Variants in ADGRA1 observed in about 807,000 individuals in gnomAD.
The protein encoded by ADGRA1 is G-protein coupled receptor 123.
A neutral mutation model predicts 21.3 loss-of-function variants in ADGRA1; 12 were observed. The ratio of observed to expected loss-of-function variants is 0.56; its 90% confidence interval spans 0.36 to 0.91. The LOEUF (loss-of-function observed/expected upper bound fraction) is 0.91. ADGRA1 is among the 40% of genes least tolerant of loss of function. ADGRA1 has a pLI of 0.01. For synonymous variants in ADGRA1, 385 were observed against 368.8 expected (o/e 1.04, Z -0.50); for missense variants, 790 against 805.6 (o/e 0.98, Z 0.23).
At chr10:133,124,240 T>C in intron 5 of ADGRA1, among the ~76,000 whole-genome samples, 1 of 146,768 alleles carries the variant, frequency 6.8e-6, no homozygotes, top group Non-Finnish European at 1.5e-5. Context: ...AGCCACCCTC[T>C]TGGGCTCTGC....
intron 5 of ADGRA1, among the ~76,000 whole-genome samples, chr10:133,117,651 C>G (rs1301722330): frequency 6.6e-6 from 1 of 152,244 alleles, no homozygotes; most frequent in Admixed American, 6.5e-5. Flanking sequence ...CTGGAATGGG[C>G]CTGGAGAAGG....
chr10:133,089,238 C>T (rs982397437), intron 2 of ADGRA1, among the ~76,000 whole-genome samples: 2 of 152,222 alleles, frequency 1.3e-5, no homozygotes, highest in Non-Finnish European at 2.9e-5. Flanking sequence ...TGGTCTGTGC[C>T]TGGGCTGGGG....
At chr10:133,109,973 G>A (rs1171513035) in intron 5 of ADGRA1, among the ~76,000 whole-genome samples, 1 of 152,208 alleles carries the variant, frequency 6.6e-6, no homozygotes, top group African/African-American at 2.4e-5. Context: ...GCATTCCTGG[G>A]TGTGGTTTGT....
Position 133,088,862 on chromosome 10 carries a change from G to A in ADGRA1, c.-48G>A, listed in dbSNP as rs764395879. On this transcript the variant is annotated 5_prime_UTR_variant, in exon 2 of 7. Transcript: ENST00000392607. ...GGGCGCCACCTGATCGCCTCCCCCT[G>A]GACGCCTCCTCCAGCGGCGCTCACG... The A allele has an allele frequency of 1.3e-5, 16 of 1,237,620 alleles. No homozygotes were observed. The African/African-American group carries it at 1.9e-4, about 14-fold the overall frequency. 76.7% of individuals were successfully genotyped at this position (1,237,620 alleles called of 1,614,324 possible).
Position 133,107,434 on chromosome 10 carries a change from T to C in ADGRA1, c.401+4592T>C, listed in dbSNP as rs922187389. 4.6e-5 allele frequency among the ~76,000 whole-genome samples: 7 copies of C among 152,334 alleles called. 1 individual carries two copies. Among genetic ancestry groups the C allele is most frequent in the Non-Finnish European group, 1.5e-5 (1 of 68,032 alleles). ...GCTAAAGGTTTGCCAATTTTCTTGATCTGTTTAAAGAGCCAGTTTGAGTTT... is the reference window on the plus strand; with the variant it reads ...GCTAAAGGTTTGCCAATTTTCTTGACCTGTTTAAAGAGCCAGTTTGAGTTT... On this transcript the variant is annotated intron_variant, in intron 5 of 6. Transcript: ENST00000392607.
Position 133,131,175 on chromosome 10 carries a change from T to C in ADGRA1, c.*1664T>C, listed in dbSNP as rs984552801. The C allele has an allele frequency of 6.6e-6, 1 of 152,028 alleles. No homozygotes were observed. The highest frequency in any genetic ancestry group is 1.5e-5 in the Non-Finnish European group (1 of 68,042). The allele number at this position is 152,028 out of a possible 1,614,324, so 9.4% of individuals were successfully genotyped here. On this transcript the variant is annotated 3_prime_UTR_variant, in exon 7 of 7. Coordinates refer to ENST00000392607, the MANE Select transcript of ADGRA1 (RefSeq NM_001083909.3). ...GAGACTGGCACTCAGTATCTGAGTA[T>C]GAGGAGCCTCACTTCCCGGGGTGTC...
At position 133,088,766 on chromosome 10, in the gene ADGRA1, CGGG is replaced by C. The variant is rs1851547833; in HGVS notation, c.-143_-141del. On this transcript the variant is annotated 5_prime_UTR_variant, in exon 2 of 7. Transcript: ENST00000392607. ...CGCGGTCACCCTGAGGCCAGGGGCC[CGGG>C]AGCGCGACCTCCTGGCCGCCGTCTG... 3.2e-6 allele frequency: 4 copies of C among 1,231,594 alleles called. No homozygotes were observed. The highest frequency in any genetic ancestry group is 4.0e-6 in the Non-Finnish European group (4 of 987,742). 76.3% of individuals were successfully genotyped at this position (1,231,594 alleles called of 1,614,324 possible). A position where few individuals can be genotyped will look rare whatever the true frequency, so the allele number is the denominator to read the frequency against.
Position 133,128,855 on chromosome 10 carries a change from T to C in ADGRA1, c.1027T>C (p.Cys343Arg), listed in dbSNP as rs1179181025. 1.3e-6 allele frequency: 2 copies of C among 1,585,332 alleles called. No individual in the cohort carries two copies. Among genetic ancestry groups the C allele is most frequent in the Non-Finnish European group, 1.7e-6 (2 of 1,169,338 alleles). ...CGGGGCCGCGCTGGGCCGCGCCGCC[T>C]GCCTGCACTCGCCGGGACTGGGCCA... Reference protein sequence around the residue: ...ANGAALGRAACLHSPGLGQPR... With the variant: ...ANGAALGRAARLHSPGLGQPR... The change falls in exon 7 of 7, where the codon TGC becomes CGC. Residue 343 changes from cysteine to arginine, a missense_variant. Physicochemically the swap from Cys to Arg is radical, Grantham distance 180. This residue lies in a region of ADGRA1 where 391 missense variants were observed against 351.5 expected (regional missense o/e 1.11). Coordinates refer to ENST00000392607, the MANE Select transcript of ADGRA1 (RefSeq NM_001083909.3).
intron 2 of ADGRA1, among the ~76,000 whole-genome samples, 181 bp from the exon 3 acceptor site, chr10:133,096,793 G>C (rs533439947): frequency 2.6e-4 from 40 of 152,316 alleles, no homozygotes; most frequent in African/African-American, 9.6e-4. Context: ...TGCACTCCCT[G>C]AGCATCCACA....
chr10:133,121,627 A>G (rs542000395), intron 5 of ADGRA1, among the ~76,000 whole-genome samples: 37 of 70,368 alleles, frequency 5.3e-4, no homozygotes, highest in East Asian at 9.0e-4. Context: ...TGTGTGTGTG[A>G]TGTGTGCCAG....
intron 4 of ADGRA1, among the ~76,000 whole-genome samples, chr10:133,100,918 C>A (rs1261641772): frequency 6.6e-6 from 1 of 152,188 alleles, no homozygotes; most frequent in Non-Finnish European, 1.5e-5. Flanking sequence ...GAAGCGGAGG[C>A]AGGGGCCGCA....
intron 5 of ADGRA1, among the ~76,000 whole-genome samples, chr10:133,118,889 C>T (rs1204204113): frequency 1.3e-5 from 2 of 151,100 alleles, no homozygotes; most frequent in African/African-American, 4.9e-5. Context: ...CACTCATACA[C>T]TTACACTCAC....
At chr10:133,104,439 T>C (rs1278998219) in intron 5 of ADGRA1, among the ~76,000 whole-genome samples, 2 of 152,196 alleles carry the variant, frequency 1.3e-5, no homozygotes, top group African/African-American at 4.8e-5. Flanking sequence ...CCATCCGGTG[T>C]CTGCCAATGC....
rs376943659 is a variant in ADGRA1 at position 133,128,360 on chromosome 10, G to C, written c.532G>C (p.Ala178Pro). ...CWMAWEPSLG[A>P]FYGPAAIITL... ...GATGGCCTGGGAGCCCAGCCTGGGC[G>C]CCTTCTACGGCCCAGCCGCCATCAT... Residue 178 changes from alanine to proline, a missense_variant, in exon 7 of 7, where the codon GCC becomes CCC. Physicochemically the swap from Ala to Pro is conservative, Grantham distance 27 (BLOSUM62 -1). Coordinates refer to ENST00000392607, the MANE Select transcript of ADGRA1 (RefSeq NM_001083909.3). 6.4e-7 allele frequency: 1 copy of C among 1,565,416 alleles called. No individual in the cohort carries two copies. The highest frequency in any genetic ancestry group is 1.4e-5 in the African/African-American group (1 of 72,982).
At chr10:133,104,744 C>T (rs915130456) in intron 5 of ADGRA1, among the ~76,000 whole-genome samples, 2 of 152,204 alleles carry the variant, frequency 1.3e-5, no homozygotes, top group Non-Finnish European at 2.9e-5. Context: ...AGCCGCCCCC[C>T]CGGTGTCTGG....
At chr10:133,112,397 C>CTA (rs1852054884) in intron 5 of ADGRA1, among the ~76,000 whole-genome samples, 2 of 139,664 alleles carry the variant, frequency 1.4e-5, no homozygotes, top group South Asian at 2.2e-4. Context: ...GGTCTACGGG[C>CTA]CGCGTCCGTT....
chr10:133,114,007 C>G (rs937309436), intron 5 of ADGRA1, among the ~76,000 whole-genome samples: 20 of 152,348 alleles, frequency 1.3e-4, no homozygotes, highest in Non-Finnish European at 2.6e-4. Flanking sequence ...GCATCTCACA[C>G]TTTGGCGGTC....
rs1047214769 is a variant in ADGRA1 at position 133,087,984 on chromosome 10, G to T, written c.-357G>T. The T allele has an allele frequency of 5.1e-6, 5 of 984,894 alleles. No individual in the cohort carries two copies. The highest frequency in any genetic ancestry group is 1.7e-5 in the African/African-American group (1 of 57,184). The allele number at this position is 984,894 out of a possible 1,614,324, so 61.0% of individuals were successfully genotyped here. Reference sequence around the variant, plus strand: ...CTCGTGCGCGGGGCTGTGACTCACCGGCCGGCGCCGCAGCCCCGCAATCTG... The same window carrying T: ...CTCGTGCGCGGGGCTGTGACTCACCTGCCGGCGCCGCAGCCCCGCAATCTG... On this transcript the variant is annotated 5_prime_UTR_variant, in exon 1 of 7. Coordinates refer to ENST00000392607, the MANE Select transcript of ADGRA1 (RefSeq NM_001083909.3).
chr10:133,130,425 C>T lies in ADGRA1; in HGVS notation c.*914C>T, dbSNP rs949922381. ...TCCAAAAAGAAAAGGGGCTGACAGA[C>T]GGGAGATTCTCATGGACAAAATCCC... On this transcript the variant is annotated 3_prime_UTR_variant, in exon 7 of 7. Coordinates refer to ENST00000392607, the MANE Select transcript of ADGRA1 (RefSeq NM_001083909.3). 3 of 152,220 alleles carry T rather than the reference C, an allele frequency of 2.0e-5. No individual in the cohort carries two copies. The highest frequency in any genetic ancestry group is 4.1e-4 in the South Asian group (2 of 4,834). The allele number at this position is 152,220 out of a possible 1,614,324, so 9.4% of individuals were successfully genotyped here.
Sources: gnomAD v4.1 joint callset for allele counts (sites outside exome capture counted in the v4.1 genomes callset) on GRCh38, gnomAD v4.1.1 for gene constraint, gnomAD v4.1.1 regional missense constraint, MANE v1.5 for transcripts, NCBI Gene and HGNC (gene_info 2026-07-23, HGNC 2026-07-21) for gene names.